Variants in DCLK2 observed in about 807,000 individuals in gnomAD.
DCLK2 encodes the protein doublecortin like kinase 2, also known as serine/threonine-protein kinase DCLK2.
Under a neutral mutation model 78.4 loss-of-function variants are expected in DCLK2, and 31 were observed. The observed-to-expected ratio is 0.40, with a 90% confidence interval of 0.30 to 0.53. DCLK2 has a LOEUF of 0.53. DCLK2 is among the 20% of genes least tolerant of loss of function. The pLI is 0.61. For missense variants in DCLK2, 872 were observed against 973.7 expected (o/e 0.90, Z 1.39); for synonymous variants, 407 against 374.9 (o/e 1.09, Z -0.99).
At chr4:150,177,813 A>G (rs1737199569) in intron 2 of DCLK2, among the ~76,000 whole-genome samples, 1 of 152,212 alleles carries the variant, frequency 6.6e-6, no homozygotes, top group Admixed American at 6.5e-5. Context: ...TTGTCTGTGG[A>G]CACATACCTC....
Position 150,078,682 on chromosome 4 carries a change from C to T in DCLK2, c.-346C>T. The T allele has an allele frequency of 5.7e-6, 1 of 176,764 alleles. No homozygotes were observed. Among genetic ancestry groups the T allele is most frequent in the Non-Finnish European group, 1.2e-5 (1 of 84,568 alleles). 10.9% of individuals were successfully genotyped at this position (176,764 alleles called of 1,614,324 possible). A position where few individuals can be genotyped will look rare whatever the true frequency, so the allele number is the denominator to read the frequency against. ...CGGGCCCAGCGCGAGCCTCGGGCGG[C>T]CCAACTTTGCCTCTCCCGGTCGGCT... On this transcript the variant is annotated 5_prime_UTR_variant, in exon 1 of 16. Transcript: ENST00000296550.
intron 1 of DCLK2, among the ~76,000 whole-genome samples, chr4:150,081,226 A>G (rs571862798): frequency 2.6e-5 from 4 of 152,362 alleles, no homozygotes; most frequent in South Asian, 4.1e-4. Flanking sequence ...GATTTACTAC[A>G]TAAAATTGAC....
At chr4:150,197,525 G>C (rs1012726861) in intron 3 of DCLK2, among the ~76,000 whole-genome samples, 1 of 152,014 alleles carries the variant, frequency 6.6e-6, no homozygotes, top group African/African-American at 2.4e-5. Flanking sequence ...AGGCTGAGGC[G>C]GGTGTACCGC....
At chr4:150,096,698 A>G (rs1393301538) in intron 1 of DCLK2, among the ~76,000 whole-genome samples, 1 of 152,202 alleles carries the variant, frequency 6.6e-6, no homozygotes, top group Non-Finnish European at 1.5e-5. Context: ...ACTGAGTGAA[A>G]TTAGACAGAA....
chr4:150,157,606 G>A (rs530483588), intron 2 of DCLK2, among the ~76,000 whole-genome samples: 4 of 150,612 alleles, frequency 2.7e-5, no homozygotes, highest in East Asian at 3.9e-4. Context: ...TCCACTTCCC[G>A]GGTTCAGGTG....
chr4:150,205,735 T>C (rs1467328316), intron 5 of DCLK2, among the ~76,000 whole-genome samples: 1 of 152,288 alleles, frequency 6.6e-6, no homozygotes, highest in African/African-American at 2.4e-5. Context: ...AAAAATAAGT[T>C]GATTTACCTC....
chr4:150,250,446 C>T (rs1743681476), intron 15 of DCLK2, among the ~76,000 whole-genome samples: 1 of 152,102 alleles, frequency 6.6e-6, no homozygotes, highest in African/African-American at 2.4e-5. Context: ...GCGGGAAGGC[C>T]AGCTCACCGT....
intron 10 of DCLK2, among the ~76,000 whole-genome samples, chr4:150,236,847 A>G (rs1742547910): frequency 6.6e-6 from 1 of 152,204 alleles, no homozygotes; most frequent in African/African-American, 2.4e-5. Context: ...TAGCCAAGGA[A>G]TATCACTTGC....
intron 2 of DCLK2, among the ~76,000 whole-genome samples, chr4:150,112,058 A>G (rs1460889850): frequency 1.3e-5 from 2 of 152,164 alleles, no homozygotes; most frequent in Admixed American, 1.3e-4. Context: ...TGCTTTGGGC[A>G]TATGATCATT....
intron 2 of DCLK2, among the ~76,000 whole-genome samples, chr4:150,169,357 G>A (rs908164806): frequency 2.6e-5 from 4 of 152,138 alleles, no homozygotes; most frequent in East Asian, 1.9e-4. Flanking sequence ...GCAGCCTTCC[G>A]AACAAGAAGT....
Position 150,179,250 on chromosome 4 carries a change from G to A in DCLK2, c.757-13888G>A, listed in dbSNP as rs566314839. Among the ~76,000 whole-genome samples the A allele has an allele frequency of 2.0e-5, 3 of 152,088 alleles. No homozygotes were observed. The South Asian group carries it at 6.2e-4, about 32-fold the overall frequency. The stretch of plus-strand genomic sequence containing the variant: ...TCACCGTGTTAGCCAGGATGGTCTC[G>A]ATCTCCTAACCTCATGATTCACCCA... On this transcript the variant is annotated intron_variant, in intron 2 of 15. Transcript: ENST00000296550.
intron 1 of DCLK2, among the ~76,000 whole-genome samples, chr4:150,082,665 T>C (rs893761441): frequency 6.6e-6 from 1 of 152,226 alleles, no homozygotes; most frequent in Admixed American, 6.5e-5. Context: ...GGCAGGACTG[T>C]GGCTCTTAAT....
chr4:150,081,750 G>T (rs1729301218), intron 1 of DCLK2, among the ~76,000 whole-genome samples: 1 of 151,470 alleles, frequency 6.6e-6, no homozygotes, highest in Admixed American at 6.6e-5. Flanking sequence ...TCAGCACTTT[G>T]GGAGACTGAG....
intron 2 of DCLK2, among the ~76,000 whole-genome samples, chr4:150,123,954 C>T (rs1192191544): frequency 1.3e-5 from 2 of 151,460 alleles, no homozygotes; most frequent in African/African-American, 2.4e-5. Context: ...GTGGGAGGAT[C>T]GTTTGAGCCT....
chr4:150,168,935 T>C (rs1419060208), intron 2 of DCLK2, among the ~76,000 whole-genome samples: 1 of 152,146 alleles, frequency 6.6e-6, no homozygotes, highest in Non-Finnish European at 1.5e-5. Context: ...GATCTGGAGA[T>C]GCAGTGTTTA....
At chr4:150,141,669 T>G (rs4346630) in intron 2 of DCLK2, among the ~76,000 whole-genome samples, 13,598 of 152,278 alleles carry the variant, frequency 0.089, 690 homozygotes, top group East Asian at 0.13. Flanking sequence ...TTTTAAGATC[T>G]TAAGGATTAG....
rs569124423 is a variant in DCLK2, at chr4:150,225,667, C to T, written c.1299+1109C>T. 2.6e-5 allele frequency among the ~76,000 whole-genome samples: 4 copies of T among 152,250 alleles called. No individual in the cohort carries two copies. In the East Asian group the frequency reaches 7.7e-4, roughly 29 times the overall value. On this transcript the variant is annotated intron_variant, in intron 8 of 15. Transcript: ENST00000296550. ...AGAATGTGAAATACCTCATTAATAT[C>T]TTTGTATATGATCACATGTTGAAAT...
chr4:150,142,797 A>T (rs1244427599), intron 2 of DCLK2, among the ~76,000 whole-genome samples: 1 of 141,184 alleles, frequency 7.1e-6, no homozygotes, highest in Non-Finnish European at 1.5e-5. Context: ...AGGAAAACTA[A>T]AATGCTGATT....
intron 2 of DCLK2, among the ~76,000 whole-genome samples, chr4:150,166,284 G>A (rs1024580798): frequency 1.1e-4 from 16 of 151,560 alleles, no homozygotes; most frequent in African/African-American, 3.9e-4. Context: ...GAGCGCAGGA[G>A]TTCAAGACAA....
Sources: gnomAD v4.1 joint callset for allele counts (sites outside exome capture counted in the v4.1 genomes callset) on GRCh38, gnomAD v4.1.1 for gene constraint, MANE v1.5 for transcripts, NCBI Gene and HGNC (gene_info 2026-07-23, HGNC 2026-07-21) for gene names.